ASCC3: variants seen among roughly 807,000 people sequenced by gnomAD.
ASCC3 encodes the protein activating signal cointegrator 1 complex subunit 3, also known as ASC-1 complex subunit P200.
Under a neutral mutation model 256.3 loss-of-function variants are expected in ASCC3, and 158 were observed. The ratio of observed to expected loss-of-function variants is 0.62; its 90% CI spans 0.54 to 0.70. The LOEUF is 0.70. Among genes scored for constraint, ASCC3 ranks in the 30% least tolerant of loss-of-function variants. The pLI, the probability that ASCC3 is intolerant of heterozygous loss-of-function variation, is 0.00. For synonymous variants in ASCC3, 948 were observed against 883.4 expected (o/e 1.07, Z -1.30); for missense variants, 2,259 against 2,626.0 (o/e 0.86, Z 3.05).
At chr6:100,677,229 C>T (rs1401311324) in intron 14 of ASCC3, among the ~76,000 whole-genome samples, 4 of 151,878 alleles carry the variant, frequency 2.6e-5, no homozygotes, top group Non-Finnish European at 5.9e-5. Flanking sequence ...GAAAGATGAC[C>T]TTATCTTTTG....
chr6:100,662,528 C>T lies in ASCC3; in HGVS notation c.2295G>A (p.Arg765=). The change falls in exon 15 of 42, where the codon AGG becomes AGA. Residue 765 remains arginine (R), a synonymous_variant. Transcript: ENST00000369162. ...ATTCTCGTACTTGCTTATTTCTCGA[C>T]CTTTGTACCTAGATACCAAGAAAGC... The part of the protein sequence containing the change: ...DYVLAEKQVQ[R]SRNKQVRELF... 1 of 1,612,654 alleles carries T rather than the reference C, an allele frequency of 6.2e-7. No homozygotes were observed. Among genetic ancestry groups the T allele is most frequent in the Non-Finnish European group, 8.5e-7 (1 of 1,179,096 alleles).
At chr6:100,640,700 T>A (rs1172624418) in intron 24 of ASCC3, among the ~76,000 whole-genome samples, 1 of 152,180 alleles carries the variant, frequency 6.6e-6, no homozygotes, top group Non-Finnish European at 1.5e-5. Context: ...AATGAGTAGA[T>A]CACTAGATAC....
In ASCC3 at chr6:100,647,258, T is replaced by C. The variant is rs1431942896; in HGVS notation, c.3446A>G (p.Asp1149Gly). Residue 1149 changes from aspartate (D) to glycine (G), a missense_variant, in exon 21 of 42, where the codon GAT (aspartate) becomes GGT (glycine). By Grantham distance (94) the Asp-to-Gly change is moderately conservative. Around this residue, in one of 2 missense-constraint regions of ASCC3, gnomAD observed 1,839 missense variants for 2,206.7 expected, o/e 0.83. Transcript: ENST00000369162. ...TRLEEKKLTV[D>G]KLKDMRKDEI... ...ATCTTTCCTCATGTCTTTCAGCTTATCCACAGTAAGCTTTTTTTCTTCTAA... is the reference window on the plus strand; with the variant it reads ...ATCTTTCCTCATGTCTTTCAGCTTACCCACAGTAAGCTTTTTTTCTTCTAA... The C allele has an allele frequency of 1.9e-6, 3 of 1,613,690 alleles. No homozygotes were observed. The highest frequency in any genetic ancestry group is 2.5e-6 in the Non-Finnish European group (3 of 1,179,616).
At chr6:100,858,167 C>T (rs555676907) in intron 3 of ASCC3, 21 of 464,374 alleles carry the variant, frequency 4.5e-5, no homozygotes, top group African/African-American at 2.9e-4. Context: ...AAATGTATTA[C>T]GTTACATAAA....
At chr6:100,737,446 T>C (rs1780232185) in intron 10 of ASCC3, among the ~76,000 whole-genome samples, 1 of 152,178 alleles carries the variant, frequency 6.6e-6, no homozygotes, top group Admixed American at 6.5e-5. Context: ...GTTCTAATCA[T>C]GCAGCTCTGA....
chr6:100,743,934 A>G (rs1221565828), intron 10 of ASCC3, among the ~76,000 whole-genome samples: 1 of 152,202 alleles, frequency 6.6e-6, no homozygotes, highest in Non-Finnish European at 1.5e-5. Flanking sequence ...CATCATCATT[A>G]CCATCATGCA....
At chr6:100,524,585 G>C (rs1485906213) in intron 37 of ASCC3, among the ~76,000 whole-genome samples, 1 of 152,050 alleles carries the variant, frequency 6.6e-6, no homozygotes, top group Non-Finnish European at 1.5e-5. Flanking sequence ...GTAGGTTGAA[G>C]GGTGGATAAT....
intron 3 of ASCC3, among the ~76,000 whole-genome samples, chr6:100,854,803 A>G (rs1222443779): frequency 6.6e-6 from 1 of 152,152 alleles, no homozygotes; most frequent in Non-Finnish European, 1.5e-5. Context: ...TAAAACCATC[A>G]TTTTGAGCAT....
chr6:100,842,250 C>A (rs759051335), intron 4 of ASCC3, among the ~76,000 whole-genome samples: 8 of 152,088 alleles, frequency 5.3e-5, no homozygotes, highest in Non-Finnish European at 4.4e-5. Context: ...ATTTTAAATA[C>A]CCTATTCTAG....
chr6:100,594,246 T>C (rs991508259), intron 34 of ASCC3, among the ~76,000 whole-genome samples: 1 of 152,100 alleles, frequency 6.6e-6, no homozygotes, highest in Admixed American at 6.6e-5. Context: ...CTCAGTCTCT[T>C]TGTTATACAC....
intron 11 of ASCC3, among the ~76,000 whole-genome samples, chr6:100,719,119 C>T (rs535216286): frequency 4.8e-4 from 73 of 152,220 alleles, no homozygotes; most frequent in Non-Finnish European, 8.2e-4. Flanking sequence ...CTGAATAAGA[C>T]ATAGATCCAC....
chr6:100,641,970 A>G (rs2114891303), intron 24 of ASCC3, among the ~76,000 whole-genome samples: 1 of 145,954 alleles, frequency 6.9e-6, no homozygotes, highest in East Asian at 2.2e-4. Context: ...CAATGAGAAC[A>G]CATGGACACA....
In ASCC3 at chr6:100,605,673, C is replaced by A. The variant is rs775383834; in HGVS notation, c.5072G>T (p.Gly1691Val). 12 of 1,613,334 alleles carry A rather than the reference C, an allele frequency of 7.4e-6. No homozygotes were observed. The highest frequency in any genetic ancestry group is 1.0e-5 in the Non-Finnish European group (12 of 1,179,542). The change falls in exon 33 of 42, where the codon GGG becomes GTG. Residue 1691 changes from glycine (G) to valine (V), a missense_variant. Physicochemically the swap from Gly to Val is moderately radical, Grantham distance 109. This residue lies in a region of ASCC3 where 1,839 missense variants were observed against 2,206.7 expected (regional missense o/e 0.83). Coordinates refer to ENST00000369162, the MANE Select transcript of ASCC3 (RefSeq NM_006828.4). ...GCCTTGGTCATCGAACTGCGGCCTCCCAGCACGCCCCATCATCTGGAGGAC... is the reference window on the plus strand; with the variant it reads ...GCCTTGGTCATCGAACTGCGGCCTCACAGCACGCCCCATCATCTGGAGGAC... ...TDVLQMMGRA[G>V]RPQFDDQGKA...
chr6:100,866,129 G>A (rs705601), intron 2 of ASCC3, among the ~76,000 whole-genome samples: 29,814 of 151,692 alleles, frequency 0.2, 3,197 homozygotes, highest in African/African-American at 0.25. Context: ...ACCACCATGC[G>A]TGGCTGATTT....
intron 36 of ASCC3, among the ~76,000 whole-genome samples, chr6:100,575,299 AAC>A (rs1212471261): frequency 1.6e-4 from 25 of 152,236 alleles, no homozygotes; most frequent in African/African-American, 6.0e-4. Context: ...CCCTTATAAA[AAC>A]AAAAACATTC....
intron 36 of ASCC3, among the ~76,000 whole-genome samples, chr6:100,547,172 T>C (rs13210135): frequency 0.064 from 9,719 of 152,060 alleles, 393 homozygotes; most frequent in Middle Eastern, 0.15. Flanking sequence ...GGTATCCATA[T>C]GGCAAAAAAG....
intron 5 of ASCC3, among the ~76,000 whole-genome samples, chr6:100,803,106 T>A (rs964223): frequency 0.35 from 52,529 of 151,966 alleles, 10,742 homozygotes; most frequent in Middle Eastern, 0.52. Context: ...ATTGCAGGAC[T>A]AGATGTTTAA....
At chr6:100,641,049 G>C (rs1311645063) in intron 24 of ASCC3, among the ~76,000 whole-genome samples, 1 of 152,036 alleles carries the variant, frequency 6.6e-6, no homozygotes, top group South Asian at 2.1e-4. Context: ...TTCTGAAAAA[G>C]AAGAAATAAA....
At chr6:100,648,251 A>T (rs1032059209) in intron 20 of ASCC3, among the ~76,000 whole-genome samples, 1 of 152,120 alleles carries the variant, frequency 6.6e-6, no homozygotes, top group Non-Finnish European at 1.5e-5. Flanking sequence ...TCACATTTCT[A>T]CAGCTAGCTC....
Sources: allele counts gnomAD v4.1 joint callset (sites outside exome capture counted in the v4.1 genomes callset), GRCh38; gene constraint gnomAD v4.1.1; regional missense constraint gnomAD v4.1.1; transcripts MANE v1.5; gene names NCBI Gene and HGNC (gene_info 2026-07-23, HGNC 2026-07-21).